The following ADCK2 variants were observed in gnomAD, a reference collection of about 807,000 sequenced individuals.
ADCK2 encodes the protein uncharacterized aarF domain-containing protein kinase 2.
Under a neutral mutation model 52.3 loss-of-function variants are expected in ADCK2, and 37 were observed. The observed-to-expected ratio is 0.71, with a 90% confidence interval of 0.54 to 0.93. The LOEUF (loss-of-function observed/expected upper bound fraction) is 0.93, where lower values mean the gene tolerates loss of function less well. Among genes scored for constraint, ADCK2 ranks in the 40% least tolerant of loss-of-function variants. The pLI is 0.00. For synonymous variants in ADCK2, 321 were observed against 349.2 expected, an observed-to-expected ratio of 0.92 and a Z score of 0.90; for missense variants, 695 against 798.7, an observed-to-expected ratio of 0.87 and a Z score of 1.56.
intron 4 of ADCK2, among the ~76,000 whole-genome samples, chr7:140,684,116 A>AT (rs1471061016): frequency 6.6e-6 from 1 of 152,086 alleles, no homozygotes. Flanking sequence ...GCAGAGGGGT[A>AT]TTTTGCCTAT....
At chr7:140,684,024 A>G (rs984392849) in intron 4 of ADCK2, among the ~76,000 whole-genome samples, 7 of 152,162 alleles carry the variant, frequency 4.6e-5, no homozygotes, top group Non-Finnish European at 1.0e-4. Flanking sequence ...GAGGTTTGAA[A>G]TTGCTGCCCT....
chr7:140,676,428 A>G (rs1794418674), intron 2 of ADCK2, among the ~76,000 whole-genome samples: 1 of 151,880 alleles, frequency 6.6e-6, no homozygotes, highest in African/African-American at 2.4e-5. Flanking sequence ...AAATTAAAAC[A>G]GAGAAAATAG....
intron 2 of ADCK2, among the ~76,000 whole-genome samples, chr7:140,675,862 G>C (rs1200975691): frequency 6.6e-6 from 1 of 152,190 alleles, no homozygotes; most frequent in Non-Finnish European, 1.5e-5. Context: ...TGGGACCTTT[G>C]TATAAGGATA....
intron 4 of ADCK2, among the ~76,000 whole-genome samples, chr7:140,685,539 G>C (rs1794590771): frequency 6.6e-6 from 1 of 152,102 alleles, no homozygotes; most frequent in Non-Finnish European, 1.5e-5. Context: ...CCAGCCTTTG[G>C]TGACCATGTC....
Position 140,694,837 on chromosome 7 carries a change from G to C in ADCK2, c.*34G>C. On this transcript the variant is annotated 3_prime_UTR_variant, in exon 8 of 8. Coordinates refer to ENST00000072869, the MANE Select transcript of ADCK2 (RefSeq NM_052853.4). ...TGGCCTCTGTGGGCCCTTGTCAAGA[G>C]CTGGAGGCCACTCCCAAGAGCCTCT... The C allele has an allele frequency of 6.3e-7, 1 of 1,586,246 alleles. No individual in the cohort carries two copies. The highest frequency in any genetic ancestry group is 8.6e-7 in the Non-Finnish European group (1 of 1,167,072).
chr7:140,694,519 TAGAGA>T, intron 7 of ADCK2, 139 bp from the exon 8 acceptor site: 2 of 759,814 alleles, frequency 2.6e-6, no homozygotes, highest in Non-Finnish European at 4.2e-6. Flanking sequence ...GATGACGCGG[TAGAGA>T]AGAGAATGTC....
At chr7:140,677,378 A>G (rs1429286454) in intron 2 of ADCK2, among the ~76,000 whole-genome samples, 4 of 151,680 alleles carry the variant, frequency 2.6e-5, no homozygotes, top group Admixed American at 2.0e-4. Flanking sequence ...TTTGCACTCC[A>G]GGCTGGGCAA....
intron 7 of ADCK2, among the ~76,000 whole-genome samples, chr7:140,692,482 C>A (rs111832176): frequency 0.019 from 2,836 of 152,308 alleles, 56 homozygotes; most frequent in Non-Finnish European, 0.027. Flanking sequence ...CTCAGCCTCC[C>A]AAGTAACTGG....
intron 5 of ADCK2, 143 bp from the exon 6 acceptor site, chr7:140,689,454 A>C: frequency 1.0e-6 from 1 of 1,000,648 alleles, no homozygotes; most frequent in Non-Finnish European, 1.5e-6. Context: ...CAAAGGGAAA[A>C]GGTCACAGCC....
chr7:140,685,412 T>C (rs1477475881), intron 4 of ADCK2, among the ~76,000 whole-genome samples: 1 of 151,398 alleles, frequency 6.6e-6, no homozygotes, highest in African/African-American at 2.4e-5. Flanking sequence ...ATCGCACCAT[T>C]GTACTCTAGC....
intron 7 of ADCK2, among the ~76,000 whole-genome samples, chr7:140,691,885 A>T (rs1341320763): frequency 1.3e-5 from 2 of 152,100 alleles, no homozygotes; most frequent in Non-Finnish European, 1.5e-5. Context: ...TCCGTGGCTC[A>T]CTCTGAGCAT....
At chr7:140,690,319 C>T (rs1237986733) in intron 6 of ADCK2, among the ~76,000 whole-genome samples, 1 of 152,190 alleles carries the variant, frequency 6.6e-6, no homozygotes, top group Non-Finnish European at 1.5e-5. Context: ...TCTCCTGCCT[C>T]AGCCTCCCGA....
chr7:140,688,853 A>G (rs1377931773), intron 5 of ADCK2, among the ~76,000 whole-genome samples: 2 of 152,258 alleles, frequency 1.3e-5, no homozygotes, highest in African/African-American at 4.8e-5. Context: ...TGCAGAGTCA[A>G]TTGAAAGCAC....
Position 140,673,398 on chromosome 7 carries a change from A to G in ADCK2, c.68A>G (p.Gln23Arg), listed in dbSNP as rs1325506321. 4 of 1,576,866 alleles carry G rather than the reference A, an allele frequency of 2.5e-6. No individual in the cohort carries two copies. The highest frequency in any genetic ancestry group is 1.4e-5 in the African/African-American group (1 of 73,794). Residue 23 changes from glutamine (Q) to arginine (R), a missense_variant, in exon 1 of 8, where the codon CAG becomes CGG. Coordinates refer to ENST00000072869, the MANE Select transcript of ADCK2 (RefSeq NM_052853.4). This position sits in a 1 kb window ranked among gnomAD's most constrained non-coding sequence, Gnocchi z 6.4. ...LSHLRCFELR[Q>R]GLSLLRPSEC... The stretch of plus-strand genomic sequence containing the variant: ...CACCTGAGGTGCTTCGAGCTCAGAC[A>G]GGGACTCAGCCTCCTGAGGCCCTCC...
chr7:140,687,370 A>C, intron 5 of ADCK2, 129 bp downstream of exon 5: 1 of 1,268,564 alleles, frequency 7.9e-7, no homozygotes, highest in Non-Finnish European at 1.1e-6. Context: ...GCTTGAGCCC[A>C]GGAGTTCAAG....
chr7:140,694,944 C>T lies in ADCK2; in HGVS notation c.*141C>T. The stretch of plus-strand genomic sequence containing the variant: ...AGTGGTGGAAGGCACACCATGGCTT[C>T]CTCTGCTTGGTTTGAGGGTCTGTTC... On this transcript the variant is annotated 3_prime_UTR_variant, in exon 8 of 8. Coordinates refer to ENST00000072869, the MANE Select transcript of ADCK2 (RefSeq NM_052853.4). The T allele has an allele frequency of 7.1e-7, 1 of 1,417,356 alleles. No homozygotes were observed. The highest frequency in any genetic ancestry group is 9.2e-7 in the Non-Finnish European group (1 of 1,089,690). 87.8% of individuals were successfully genotyped at this position (1,417,356 alleles called of 1,614,324 possible).
In ADCK2 at chr7:140,673,573, G is replaced by A. The variant is rs1193116943; in HGVS notation, c.243G>A (p.Ala81=). ...GCGGGGCGGCTGGCGCGGGGCCCGC[G>A]GAGAGCCTCCCCCGAGCGGGACCTC... ...RCSGAAGAGP[A]ESLPRAGPLG... is the part of the protein sequence containing the mutation. Residue 81 remains alanine, a synonymous_variant, in exon 1 of 8, where the codon GCG becomes GCA. Transcript: ENST00000072869. This position sits in a 1 kb window ranked among gnomAD's most constrained non-coding sequence, Gnocchi z 6.4. The A allele has an allele frequency of 1.2e-6, 2 of 1,602,488 alleles. No individual in the cohort carries two copies. The highest frequency in any genetic ancestry group is 2.2e-5 in the East Asian group (1 of 44,760).
Position 140,693,920 on chromosome 7 carries a change from A to G in ADCK2, c.1741-743A>G, listed in dbSNP as rs950360100. 6.6e-6 allele frequency among the ~76,000 whole-genome samples: 1 copy of G among 152,064 alleles called. No homozygotes were observed. Among genetic ancestry groups the G allele is most frequent in the African/African-American group, 2.4e-5 (1 of 41,424 alleles). ...GAGGCAGGGTTTCACTGTGTCAGCC[A>G]GGATGGTCTCGATCTCCTGACCTCA... is the stretch of plus-strand genomic sequence containing the variant. On this transcript the variant is annotated intron_variant, in intron 7 of 7. Transcript: ENST00000072869. The surrounding 1 kb of genome is among the most constrained non-coding windows in gnomAD (Gnocchi z 4.0).
At position 140,694,789 on chromosome 7, in the gene ADCK2, G is replaced by A; in HGVS notation, c.1867G>A (p.Val623Met). 2 of 1,613,304 alleles carry A rather than the reference G, an allele frequency of 1.2e-6. No individual in the cohort carries two copies. Among genetic ancestry groups the A allele is most frequent in the South Asian group, 2.2e-5 (2 of 90,884 alleles). The change falls in exon 8 of 8, where the codon GTG (valine) becomes ATG (methionine). Residue 623 changes from valine to methionine, a missense_variant. Physicochemically the swap from Val to Met is conservative, Grantham distance 21. Coordinates refer to ENST00000072869, the MANE Select transcript of ADCK2 (RefSeq NM_052853.4). ...GAGGCCCTTCCTCCTCACGGGCCCA[G>A]TGTGCCCCCCGTGATGGGGCAGTGG... The part of the protein sequence containing the change: ...AARPFLLTGP[V>M]CPP
Sources: allele counts gnomAD v4.1 joint callset (sites outside exome capture counted in the v4.1 genomes callset), GRCh38; gene constraint gnomAD v4.1.1; non-coding constraint Gnocchi (gnomAD v3.1); transcripts MANE v1.5; gene names NCBI Gene and HGNC (gene_info 2026-07-23, HGNC 2026-07-21).